The following FNIP2 variants were observed in gnomAD, a reference collection of about 807,000 sequenced individuals.
FNIP2 encodes folliculin-interacting protein 2.
A neutral mutation model predicts 108.7 loss-of-function variants in FNIP2; 32 were observed. The observed-to-expected ratio is 0.29, with a 90% CI of 0.22 to 0.40. The LOEUF (loss-of-function observed/expected upper bound fraction) is 0.40. Ranked by LOEUF, FNIP2 falls within the 10% of genes least tolerant of loss-of-function variation. The pLI is 1.00. For synonymous variants in FNIP2, 480 were observed against 496.7 expected (o/e 0.97, Z 0.45); for missense variants, 1,202 against 1,381.6 (o/e 0.87, Z 2.06).
At chr4:158,832,179 AGTGT>A (rs1180049138) in intron 5 of FNIP2, 41 bp downstream of exon 5, 2 of 1,505,272 alleles carry the variant, frequency 1.3e-6, no homozygotes, top group Non-Finnish European at 1.8e-6. Context: ...CATTTTTTAA[AGTGT>A]GTATTTCTAG....
rs546294227 is a variant in FNIP2 at position 158,795,069 on chromosome 4, C to T, written c.107+25750C>T. On this transcript the variant is annotated intron_variant, in intron 1 of 16. Transcript: ENST00000264433. ...CTACTGGATGGAATATAACTGAATCCGTTTAAGAACTGGTATCAGGGTTAG... is the reference window on the plus strand; with the variant it reads ...CTACTGGATGGAATATAACTGAATCTGTTTAAGAACTGGTATCAGGGTTAG... Among the ~76,000 whole-genome samples, 7 of 152,236 alleles carry T rather than the reference C, an allele frequency of 4.6e-5. No individual in the cohort carries two copies. In the South Asian group the frequency reaches 8.3e-4, roughly 18 times the overall value.
chr4:158,845,399 C>T (rs1218593361), intron 7 of FNIP2, among the ~76,000 whole-genome samples: 2 of 152,154 alleles, frequency 1.3e-5, no homozygotes. Flanking sequence ...GGGGAGAGCC[C>T]ATGTTGCTGT....
intron 14 of FNIP2, chr4:158,890,168 GAA>G: frequency 1.0e-6 from 1 of 984,992 alleles, no homozygotes; most frequent in Admixed American, 6.2e-5. Context: ...AAAATTATTT[GAA>G]CAGACAAATA....
chr4:158,893,760 A>G (rs749486687), intron 15 of FNIP2: 196 of 1,431,646 alleles, frequency 1.4e-4, no homozygotes, highest in Non-Finnish European at 1.7e-4. Context: ...AGTTTACTTC[A>G]TAAGTATTTG....
intron 15 of FNIP2, among the ~76,000 whole-genome samples, chr4:158,891,968 A>G (rs1782303480): frequency 6.6e-6 from 1 of 152,096 alleles, no homozygotes; most frequent in Non-Finnish European, 1.5e-5. Context: ...TTCTCCTTTT[A>G]TTAGATTGAT....
At chr4:158,843,314 C>T (rs975111995) in intron 7 of FNIP2, among the ~76,000 whole-genome samples, 2 of 152,134 alleles carry the variant, frequency 1.3e-5, no homozygotes, top group African/African-American at 4.8e-5. Context: ...GAATTCTGTC[C>T]AGAAATGTGT....
At position 158,786,505 on chromosome 4, in the gene FNIP2, T is replaced by C. The variant is rs1358815950; in HGVS notation, c.107+17186T>C. 2.0e-5 allele frequency among the ~76,000 whole-genome samples: 3 copies of C among 152,368 alleles called. No individual in the cohort carries two copies. The East Asian group carries it at 5.8e-4, about 29-fold the overall frequency. On this transcript the variant is annotated intron_variant, in intron 1 of 16. Coordinates refer to ENST00000264433, the MANE Select transcript of FNIP2 (RefSeq NM_020840.3). Reference sequence around the variant, plus strand: ...TACTAGTGCACAGGTCATATGCTATTACAGCTTCAAGGAGCTGCCAGAAGC... The same window carrying C: ...TACTAGTGCACAGGTCATATGCTATCACAGCTTCAAGGAGCTGCCAGAAGC...
intron 3 of FNIP2, among the ~76,000 whole-genome samples, chr4:158,831,623 A>G (rs1308640873): frequency 6.6e-6 from 1 of 152,210 alleles, no homozygotes; most frequent in African/African-American, 2.4e-5. Context: ...CTCTAATAAA[A>G]CACTTGGATC....
chr4:158,877,803 A>G (rs28718235), intron 14 of FNIP2, among the ~76,000 whole-genome samples: 65,299 of 151,996 alleles, frequency 0.43, 14,611 homozygotes, highest in African/African-American at 0.53. Context: ...CAGGGGCGTG[A>G]TGGCTGTGTG....
At chr4:158,821,348 C>G (rs1470466604) in intron 1 of FNIP2, among the ~76,000 whole-genome samples, 1 of 152,212 alleles carries the variant, frequency 6.6e-6, no homozygotes, top group African/African-American at 2.4e-5. Flanking sequence ...ATACATTTCC[C>G]TGAAGTGGTC....
chr4:158,815,001 C>T (rs1683664432), intron 1 of FNIP2, among the ~76,000 whole-genome samples: 1 of 152,176 alleles, frequency 6.6e-6, no homozygotes, highest in South Asian at 2.1e-4. Context: ...TTTCAAGAGA[C>T]AATACAGTCA....
At chr4:158,886,426 T>G (rs1782028035) in intron 14 of FNIP2, among the ~76,000 whole-genome samples, 1 of 152,172 alleles carries the variant, frequency 6.6e-6, no homozygotes, top group South Asian at 2.1e-4. Flanking sequence ...ATTAAGTTTC[T>G]GTGGGAGGCA....
chr4:158,858,025 A>G (rs995781150), intron 8 of FNIP2, among the ~76,000 whole-genome samples: 1 of 152,204 alleles, frequency 6.6e-6, no homozygotes, highest in African/African-American at 2.4e-5. Flanking sequence ...AATAAAATCT[A>G]GGTTTATTTG....
Position 158,792,288 on chromosome 4 carries a change from C to T in FNIP2, c.107+22969C>T, listed in dbSNP as rs141356396. Among the ~76,000 whole-genome samples, 27 of 152,206 alleles carry T rather than the reference C, an allele frequency of 1.8e-4. No homozygotes were observed. In the East Asian group the frequency reaches 1.9e-3, roughly 11 times the overall value. ...TTGAGTCACTTTACACGCATGTTCCCAGCTGAAGTCAAACAGGGTAACCCT... is the reference window on the plus strand; with the variant it reads ...TTGAGTCACTTTACACGCATGTTCCTAGCTGAAGTCAAACAGGGTAACCCT... On this transcript the variant is annotated intron_variant, in intron 1 of 16. Coordinates refer to ENST00000264433, the MANE Select transcript of FNIP2 (RefSeq NM_020840.3).
rs536207399 is a variant in FNIP2, at chr4:158,802,854, G to A, written c.108-23062G>A. Among the ~76,000 whole-genome samples the A allele has an allele frequency of 2.6e-5, 4 of 152,318 alleles. No individual in the cohort carries two copies. The South Asian group carries it at 8.3e-4, about 32-fold the overall frequency. On this transcript the variant is annotated intron_variant, in intron 1 of 16. Coordinates refer to ENST00000264433, the MANE Select transcript of FNIP2 (RefSeq NM_020840.3). ...TGAGTACCAGATATTTGTCTTTGGT[G>A]ATCTAAATGATACTGTGCTATTTAT...
At position 158,905,925 on chromosome 4, in the gene FNIP2, GTTC is replaced by G. The variant is rs1729804095; in HGVS notation, c.*1384_*1386del. On this transcript the variant is annotated 3_prime_UTR_variant, in exon 17 of 17. Coordinates refer to ENST00000264433, the MANE Select transcript of FNIP2 (RefSeq NM_020840.3). ...TCCACTGTTTTATGAATTAATTCCA[GTTC>G]TTTTCATGTATCTTTGAACCTAAGA... The G allele has an allele frequency of 6.6e-6, 1 of 152,124 alleles. No individual in the cohort carries two copies. The highest frequency in any genetic ancestry group is 6.5e-5 in the Admixed American group (1 of 15,274). 9.4% of individuals were successfully genotyped at this position (152,124 alleles called of 1,614,324 possible).
rs1428202663 is a variant in FNIP2 at position 158,869,113 on chromosome 4, C to T, written c.2477C>T (p.Ala826Val). 1 of 1,613,900 alleles carries T rather than the reference C, an allele frequency of 6.2e-7. No individual in the cohort carries two copies. Among genetic ancestry groups the T allele is most frequent in the East Asian group, 2.2e-5 (1 of 44,886 alleles). The change falls in exon 13 of 17, where the codon GCA (alanine) becomes GTA (valine). Residue 826 changes from alanine to valine, a missense_variant. This residue lies in a region of FNIP2 where 878 missense variants were observed against 990.3 expected (regional missense o/e 0.89). Transcript: ENST00000264433. ...AADLGTASHG[A>V]GGTGGRRLEA... ...GACTTGGGCACAGCCTCCCACGGTG[C>T]AGGAGGAACGGGAGGGAGGAGGCTG...
Position 158,812,421 on chromosome 4 carries a change from T to A in FNIP2, c.108-13495T>A, listed in dbSNP as rs190964650. On this transcript the variant is annotated intron_variant, in intron 1 of 16. Transcript: ENST00000264433. ...CAGACTTGATAGCTACATCTGAAGC[T>A]CAAGTTATGTGTCCTTGGTTCTCAT... Among the ~76,000 whole-genome samples the A allele has an allele frequency of 1.4e-3, 218 of 152,194 alleles. 1 individual carries two copies. The highest frequency in any genetic ancestry group is 2.2e-3 in the Non-Finnish European group (148 of 68,012).
chr4:158,869,857 G>T (rs941225555), intron 13 of FNIP2, among the ~76,000 whole-genome samples: 9 of 152,236 alleles, frequency 5.9e-5, no homozygotes, highest in Admixed American at 2.6e-4. Context: ...TGAGGTGGTT[G>T]GGAAACAACA....
Sources: gnomAD v4.1 joint callset for allele counts (sites outside exome capture counted in the v4.1 genomes callset) on GRCh38, gnomAD v4.1.1 for gene constraint, gnomAD v4.1.1 regional missense constraint, MANE v1.5 for transcripts, NCBI Gene and HGNC (gene_info 2026-07-23, HGNC 2026-07-21) for gene names.